Variants in SHE observed in about 807,000 individuals in gnomAD.
SHE encodes Src homology 2 domain containing E.
SHE carries 11 observed loss-of-function variants against 49.8 expected under a neutral mutation model. The ratio of observed to expected loss-of-function variants is 0.22; its 90% confidence interval spans 0.14 to 0.37. The LOEUF (loss-of-function observed/expected upper bound fraction) is 0.37. SHE is among the 10% of genes least tolerant of loss of function. The pLI is 1.00. For synonymous variants in SHE, 310 were observed against 278.1 expected, an observed-to-expected ratio of 1.11 and a Z score of -1.14; for missense variants, 624 against 655.5, an observed-to-expected ratio of 0.95 and a Z score of 0.52.
chr1:154,486,691 GA>G lies in SHE; in HGVS notation c.1025-9del. ...CAGCTCCTTCAAACTGGACTGGAAG[GA>G]AGACTCCATTTAACATCACAGGCCA... On this transcript the variant is annotated splice_polypyrimidine_tract_variant and intron_variant, in intron 3 of 5. Transcript: ENST00000304760. 1 of 1,613,752 alleles carries G rather than the reference GA, an allele frequency of 6.2e-7. No homozygotes were observed.
chr1:154,472,109 G>A (rs1691760020), intron 1 of SHE, among the ~76,000 whole-genome samples: 1 of 135,610 alleles, frequency 7.4e-6, no homozygotes, highest in Non-Finnish European at 1.6e-5. Flanking sequence ...GGAGGTAGAG[G>A]TTGCAATGAG....
chr1:154,473,102 G>A (rs770253014), intron 1 of SHE, among the ~76,000 whole-genome samples: 39 of 151,886 alleles, frequency 2.6e-4, no homozygotes, highest in Non-Finnish European at 3.5e-4. Flanking sequence ...GGGTTCAAGC[G>A]ATTCTCCTGC....
chr1:154,495,160 A>G (rs1692486451), intron 2 of SHE, among the ~76,000 whole-genome samples: 1 of 152,244 alleles, frequency 6.6e-6, no homozygotes, highest in Non-Finnish European at 1.5e-5. Flanking sequence ...TATGACATCA[A>G]CTGCAGAAAG....
chr1:154,470,531 G>A (rs1439262644), intron 1 of SHE, among the ~76,000 whole-genome samples: 1 of 152,190 alleles, frequency 6.6e-6, no homozygotes, highest in South Asian at 2.1e-4. Context: ...TAGCAGAGGT[G>A]TGCTGGCGAG....
downstream of SHE, among the ~76,000 whole-genome samples, chr1:154,476,631 C>CA (rs936854564): frequency 3.1e-5 from 4 of 129,686 alleles, no homozygotes; most frequent in South Asian, 2.4e-4. Context: ...GACTCTGTCT[C>CA]AAAAAAAAAG....
downstream of SHE, among the ~76,000 whole-genome samples, chr1:154,474,719 G>A (rs547500576): frequency 1.3e-5 from 2 of 152,170 alleles, no homozygotes; most frequent in African/African-American, 4.8e-5. Context: ...TGGCCAGGCT[G>A]GTCTTGAACT....
In SHE at chr1:154,489,138, G is replaced by A. The variant is rs1201346230; in HGVS notation, c.937C>T (p.Arg313Trp). ...AEGKARPPDS[R>W]LPENDERPAA... ...GGCCTCTCGTCGTTCTCGGGCAGCC[G>A]GCTGTCTGGGGGCCGCGCCTTCCCC... is the stretch of plus-strand genomic sequence containing the variant. Residue 313 changes from arginine (R) to tryptophan (W), a missense_variant, in exon 3 of 6, where the codon CGG (arginine) becomes TGG (tryptophan). This residue lies in a region of SHE where 155 missense variants were observed against 142.0 expected (regional missense o/e 1.09). Transcript: ENST00000304760. 4.3e-6 allele frequency: 7 copies of A among 1,613,756 alleles called. No individual in the cohort carries two copies. Among genetic ancestry groups the A allele is most frequent in the South Asian group, 3.3e-5 (3 of 91,076 alleles).
At position 154,480,581 on chromosome 1, in the gene SHE, G is replaced by A. The variant is rs1386081594; in HGVS notation, c.*3568C>T. On this transcript the variant is annotated 3_prime_UTR_variant, in exon 6 of 6. Coordinates refer to ENST00000304760, the MANE Select transcript of SHE (RefSeq NM_001010846.3). ...GCCCACCTCCCCATCCTGCGGCAGAGGCTAGTACACAAATACCAATTCTGC... is the reference window on the plus strand; with the variant it reads ...GCCCACCTCCCCATCCTGCGGCAGAAGCTAGTACACAAATACCAATTCTGC... 17 of 985,378 alleles carry A rather than the reference G, an allele frequency of 1.7e-5. No homozygotes were observed. The highest frequency in any genetic ancestry group is 3.5e-5 in the African/African-American group (2 of 57,228). 61.0% of individuals were successfully genotyped at this position (985,378 alleles called of 1,614,324 possible). A position where few individuals can be genotyped will look rare whatever the true frequency, so the allele number is the denominator to read the frequency against.
intron 1 of SHE, among the ~76,000 whole-genome samples, chr1:154,472,054 T>A (rs1691758519): frequency 6.6e-6 from 1 of 151,798 alleles, no homozygotes; most frequent in South Asian, 2.1e-4. Flanking sequence ...GCGCCTGTAG[T>A]CCCAGCTACT....
chr1:154,481,865 G>A lies in SHE; in HGVS notation c.*2284C>T, dbSNP rs1692026691. 1 of 899,562 alleles carries A rather than the reference G, an allele frequency of 1.1e-6. No homozygotes were observed. Among genetic ancestry groups the A allele is most frequent in the Non-Finnish European group, 1.3e-6 (1 of 751,922 alleles). The allele number at this position is 899,562 out of a possible 1,614,324, so 55.7% of individuals were successfully genotyped here. A position where few individuals can be genotyped will look rare whatever the true frequency, so the allele number is the denominator to read the frequency against. ...CTTTTGGTTTTTTGTTTGCTTGCTT[G>A]TTGAGACAGGGTCTCACTCTGTCAC... is the stretch of plus-strand genomic sequence containing the variant. On this transcript the variant is annotated 3_prime_UTR_variant, in exon 6 of 6. Transcript: ENST00000304760.
chr1:154,480,659 G>A lies in SHE; in HGVS notation c.*3490C>T, dbSNP rs913187999. 3.6e-5 allele frequency: 35 copies of A among 981,812 alleles called. No individual in the cohort carries two copies. The African/African-American group carries it at 4.4e-4, about 12-fold the overall frequency. 60.8% of individuals were successfully genotyped at this position (981,812 alleles called of 1,614,324 possible). ...AATAAAGGCTTTCTAAAATGCTTAA[G>A]AAAGTGCTTTGAATAACTTAAAATG... On this transcript the variant is annotated 3_prime_UTR_variant, in exon 6 of 6. Coordinates refer to ENST00000304760, the MANE Select transcript of SHE (RefSeq NM_001010846.3).
At chr1:154,497,257 C>G (rs1162193319) in intron 2 of SHE, among the ~76,000 whole-genome samples, 1 of 152,230 alleles carries the variant, frequency 6.6e-6, no homozygotes, top group Non-Finnish European at 1.5e-5. Context: ...CTGCTCAACT[C>G]TTCTGAGACT....
At position 154,489,138 on chromosome 1, in the gene SHE, G is replaced by C. The variant is rs1201346230; in HGVS notation, c.937C>G (p.Arg313Gly). Residue 313 changes from arginine to glycine, a missense_variant, in exon 3 of 6, where the codon CGG (arginine) becomes GGG (glycine). Arg to Gly is a moderately radical substitution (Grantham distance 125). Around this residue, in one of 4 missense-constraint regions of SHE, gnomAD observed 155 missense variants for 142.0 expected, o/e 1.09. Coordinates refer to ENST00000304760, the MANE Select transcript of SHE (RefSeq NM_001010846.3). Reference sequence around the variant, plus strand: ...GGCCTCTCGTCGTTCTCGGGCAGCCGGCTGTCTGGGGGCCGCGCCTTCCCC... The same window carrying C: ...GGCCTCTCGTCGTTCTCGGGCAGCCCGCTGTCTGGGGGCCGCGCCTTCCCC... ...AEGKARPPDS[R>G]LPENDERPAA... is the part of the protein sequence containing the mutation. The C allele has an allele frequency of 3.7e-6, 6 of 1,613,874 alleles. No individual in the cohort carries two copies. The highest frequency in any genetic ancestry group is 5.1e-6 in the Non-Finnish European group (6 of 1,179,878).
At chr1:154,490,219 TA>T (rs1366060418) in intron 2 of SHE, among the ~76,000 whole-genome samples, 19 of 152,210 alleles carry the variant, frequency 1.2e-4, no homozygotes, top group African/African-American at 4.6e-4. Context: ...AACTCCAGGA[TA>T]AATCAAAGTA....
downstream of SHE, among the ~76,000 whole-genome samples, chr1:154,474,947 G>C (rs1046760717): frequency 2.0e-5 from 3 of 152,204 alleles, no homozygotes; most frequent in Non-Finnish European, 4.4e-5. Flanking sequence ...GCTGGGTGTG[G>C]GGTACAAGAG....
rs1692071107 is a variant in SHE at position 154,483,300 on chromosome 1, G to GTTGC, written c.*845_*848dup. ...AATAATCCTTAGGCCACACTCTGAA[G>GTTGC]TTGCGGATTTCCATGAACTCCAGAG... On this transcript the variant is annotated 3_prime_UTR_variant, in exon 6 of 6. Coordinates refer to ENST00000304760, the MANE Select transcript of SHE (RefSeq NM_001010846.3). 2.0e-6 allele frequency: 2 copies of GTTGC among 985,430 alleles called. No individual in the cohort carries two copies. Among genetic ancestry groups the GTTGC allele is most frequent in the African/African-American group, 1.7e-5 (1 of 57,358 alleles). 61.0% of individuals were successfully genotyped at this position (985,430 alleles called of 1,614,324 possible). A position where few individuals can be genotyped will look rare whatever the true frequency, so the allele number is the denominator to read the frequency against.
intron 2 of SHE, among the ~76,000 whole-genome samples, chr1:154,495,820 C>T (rs1054216203): frequency 6.6e-6 from 1 of 152,012 alleles, no homozygotes; most frequent in African/African-American, 2.4e-5. Flanking sequence ...ATTGTTAAAA[C>T]CAGGCCTGTA....
In SHE at chr1:154,481,623, C is replaced by T. The variant is rs1175920274; in HGVS notation, c.*2526G>A. 2.7e-5 allele frequency: 27 copies of T among 984,192 alleles called. No individual in the cohort carries two copies. Among genetic ancestry groups the T allele is most frequent in the Non-Finnish European group, 3.3e-5 (27 of 829,002 alleles). 61.0% of individuals were successfully genotyped at this position (984,192 alleles called of 1,614,324 possible). On this transcript the variant is annotated 3_prime_UTR_variant, in exon 6 of 6. Coordinates refer to ENST00000304760, the MANE Select transcript of SHE (RefSeq NM_001010846.3). ...TTAGCATTTATTAAAATTAGAATAACTGCTGTATTCCCTTTGTAGAATAAG... is the reference window on the plus strand; with the variant it reads ...TTAGCATTTATTAAAATTAGAATAATTGCTGTATTCCCTTTGTAGAATAAG...
Position 154,489,363 on chromosome 1 carries a change from A to C in SHE, c.719-7T>G. 6.2e-7 allele frequency: 1 copy of C among 1,609,448 alleles called. No homozygotes were observed. The highest frequency in any genetic ancestry group is 2.2e-5 in the East Asian group (1 of 44,498). On this transcript the variant is annotated splice_region_variant and splice_polypyrimidine_tract_variant and intron_variant, in intron 2 of 5. Coordinates refer to ENST00000304760, the MANE Select transcript of SHE (RefSeq NM_001010846.3). ...GAACCCCGTCGTCTAATTTCTGAAA[A>C]ACACACACCATTTCTGAAAAACACA...
Sources: gnomAD v4.1 joint callset for allele counts (sites outside exome capture counted in the v4.1 genomes callset) on GRCh38, gnomAD v4.1.1 for gene constraint, gnomAD v4.1.1 regional missense constraint, MANE v1.5 for transcripts, NCBI Gene and HGNC (gene_info 2026-07-23, HGNC 2026-07-21) for gene names.